Variants in CAMKMT observed in about 807,000 individuals in gnomAD.
CAMKMT encodes calmodulin-lysine N-methyltransferase, also known as CaM KMT.
Under a neutral mutation model 48.0 loss-of-function variants are expected in CAMKMT, and 53 were observed. The observed-to-expected ratio is 1.10, with a 90% CI of 0.89 to 1.39. The LOEUF is 1.39. CAMKMT is among the 40% of genes most tolerant of loss of function. The pLI is 0.00. For synonymous variants in CAMKMT, 165 were observed against 152.3 expected (o/e 1.08, Z -0.61); for missense variants, 428 against 402.7 (o/e 1.06, Z -0.54).
intron 3 of CAMKMT, among the ~76,000 whole-genome samples, chr2:44,689,325 G>A (rs1438558380): frequency 1.4e-5 from 2 of 147,086 alleles, no homozygotes; most frequent in South Asian, 2.2e-4. Flanking sequence ...GACAGGGAGA[G>A]TCTCGCTCTG....
chr2:44,363,985 T>A (rs1268839985), intron 1 of CAMKMT, among the ~76,000 whole-genome samples: 1 of 149,384 alleles, frequency 6.7e-6, no homozygotes, highest in Non-Finnish European at 1.5e-5. Context: ...CCACCATGCC[T>A]GCCACGCCCA....
At chr2:44,613,634 C>T (rs1367897731) in intron 3 of CAMKMT, among the ~76,000 whole-genome samples, 10 of 152,206 alleles carry the variant, frequency 6.6e-5, no homozygotes, top group East Asian at 1.9e-4. Context: ...ATTATACCAA[C>T]GGCTGACATT....
chr2:44,674,387 G>A (rs1267370568), intron 3 of CAMKMT, among the ~76,000 whole-genome samples: 2 of 152,142 alleles, frequency 1.3e-5, no homozygotes, highest in Non-Finnish European at 2.9e-5. Context: ...TGACTGCAGG[G>A]ACCATCTTAG....
chr2:44,483,032 A>T (rs1000287841), intron 3 of CAMKMT, among the ~76,000 whole-genome samples: 1 of 152,152 alleles, frequency 6.6e-6, no homozygotes, highest in African/African-American at 2.4e-5. Flanking sequence ...TGTCCAATGG[A>T]ATCAACAAGT....
intron 2 of CAMKMT, among the ~76,000 whole-genome samples, chr2:44,384,705 C>T (rs143516382): frequency 6.6e-6 from 1 of 151,994 alleles, no homozygotes; most frequent in African/African-American, 2.4e-5. Context: ...ATATAGCTAG[C>T]CAATTATTCC....
Position 44,456,691 on chromosome 2 carries a change from T to C in CAMKMT, c.376+66386T>C, listed in dbSNP as rs1042718071. 6 of 1,293,592 alleles carry C rather than the reference T, an allele frequency of 4.6e-6. No individual in the cohort carries two copies. In the African/African-American group the frequency reaches 5.9e-5, roughly 13 times the overall value. 80.1% of individuals were successfully genotyped at this position (1,293,592 alleles called of 1,614,324 possible). On this transcript the variant is annotated intron_variant, in intron 3 of 10. Coordinates refer to ENST00000378494, the MANE Select transcript of CAMKMT (RefSeq NM_024766.5). Reference sequence around the variant, plus strand: ...AAAAGATGTTTTGGCCAAGGCATCCTACCTCTGCTTGTCTTCATGATCTTC... The same window carrying C: ...AAAAGATGTTTTGGCCAAGGCATCCCACCTCTGCTTGTCTTCATGATCTTC...
chr2:44,769,179 AAC>A (rs1165708063), intron 10 of CAMKMT, among the ~76,000 whole-genome samples: 1 of 151,566 alleles, frequency 6.6e-6, no homozygotes, highest in Non-Finnish European at 1.5e-5. Context: ...GAAGCTGATT[AAC>A]AGTCAGTGAT....
intron 7 of CAMKMT, among the ~76,000 whole-genome samples, chr2:44,733,502 A>G (rs1679191764): frequency 6.6e-6 from 1 of 152,152 alleles, no homozygotes; most frequent in Non-Finnish European, 1.5e-5. Context: ...AAGAAAACAT[A>G]CTTTTCTTAT....
chr2:44,645,312 A>C (rs1413593503), intron 3 of CAMKMT, among the ~76,000 whole-genome samples: 1 of 152,210 alleles, frequency 6.6e-6, no homozygotes, highest in African/African-American at 2.4e-5. Flanking sequence ...TTCTAGCTTC[A>C]TCTTTTCTCA....
chr2:44,609,400 T>C (rs1671473789), intron 3 of CAMKMT, among the ~76,000 whole-genome samples: 1 of 152,250 alleles, frequency 6.6e-6, no homozygotes, highest in Admixed American at 6.5e-5. Flanking sequence ...CGTTTGTTAA[T>C]TAGCTAACTA....
chr2:44,673,870 C>T (rs747369905), intron 3 of CAMKMT, among the ~76,000 whole-genome samples: 2 of 152,044 alleles, frequency 1.3e-5, no homozygotes, highest in Admixed American at 1.3e-4. Flanking sequence ...AACAAACAGC[C>T]GAGCATAATG....
chr2:44,524,247 G>A (rs1013591618), intron 3 of CAMKMT, among the ~76,000 whole-genome samples: 1 of 152,098 alleles, frequency 6.6e-6, no homozygotes, highest in African/African-American at 2.4e-5. Flanking sequence ...GGGGGCTCAT[G>A]TTTTAAAACC....
intron 7 of CAMKMT, among the ~76,000 whole-genome samples, chr2:44,734,446 G>T (rs934629265): frequency 6.6e-6 from 1 of 150,982 alleles, no homozygotes; most frequent in African/African-American, 2.4e-5. Flanking sequence ...ACAGGTTCTC[G>T]CTGTGATGCC....
intron 3 of CAMKMT, among the ~76,000 whole-genome samples, chr2:44,694,887 C>T (rs1456450837): frequency 6.6e-6 from 1 of 152,076 alleles, no homozygotes; most frequent in Non-Finnish European, 1.5e-5. Context: ...TTATGGAGGC[C>T]CAAAGGATGA....
At chr2:44,638,871 A>G (rs961009572) in intron 3 of CAMKMT, among the ~76,000 whole-genome samples, 3 of 152,180 alleles carry the variant, frequency 2.0e-5, no homozygotes, top group African/African-American at 7.2e-5. Flanking sequence ...CAGTTTTGCT[A>G]TCTTTGCTGG....
chr2:44,368,929 G>A (rs1489157306), intron 1 of CAMKMT, among the ~76,000 whole-genome samples: 1 of 152,094 alleles, frequency 6.6e-6, no homozygotes, highest in African/African-American at 2.4e-5. Context: ...GAGTGCAGTA[G>A]TGCAGTCTGG....
chr2:44,439,695 G>A (rs899054940), intron 3 of CAMKMT, among the ~76,000 whole-genome samples: 4 of 151,844 alleles, frequency 2.6e-5, no homozygotes, highest in South Asian at 2.1e-4. Context: ...AAAATCAGCC[G>A]GGCGTCGTGG....
At chr2:44,644,529 A>G (rs903765470) in intron 3 of CAMKMT, among the ~76,000 whole-genome samples, 2 of 152,202 alleles carry the variant, frequency 1.3e-5, no homozygotes, top group Non-Finnish European at 2.9e-5. Context: ...GTGATTATCA[A>G]AGCTGAAAAG....
intron 9 of CAMKMT, among the ~76,000 whole-genome samples, chr2:44,757,585 AT>A (rs1237835890): frequency 7.1e-6 from 1 of 140,718 alleles, no homozygotes; most frequent in African/African-American, 2.7e-5. Context: ...TTTTTTTGAG[AT>A]GGAGTCTCGC....
Sources: allele counts gnomAD v4.1 joint callset (sites outside exome capture counted in the v4.1 genomes callset), GRCh38; gene constraint gnomAD v4.1.1; transcripts MANE v1.5; gene names NCBI Gene and HGNC (gene_info 2026-07-23, HGNC 2026-07-21).